CIMAP2: variants seen among roughly 807,000 people sequenced by gnomAD.
CIMAP2 encodes the protein ciliary microtubule associated protein 2.
At chr1:54,817,310 T>G in the CIMAP2 span, among the ~76,000 whole-genome samples, 4 of 152,112 alleles carry the variant, frequency 2.6e-5, no homozygotes, top group African/African-American at 9.7e-5. Context: ...ACTGTAAGTG[T>G]GAGGTGGGGC....
the CIMAP2 span, among the ~76,000 whole-genome samples, chr1:54,808,880 T>C: frequency 1.7e-5 from 1 of 60,278 alleles, no homozygotes; most frequent in Non-Finnish European, 3.9e-5. Flanking sequence ...TACTCTGTTA[T>C]CCTCCCAGCC....
the CIMAP2 span, among the ~76,000 whole-genome samples, chr1:54,809,529 A>G: frequency 6.6e-6 from 1 of 152,238 alleles, no homozygotes. Flanking sequence ...AGCAGGCACT[A>G]TCATTATGTC....
chr1:54,808,758 G>A, the CIMAP2 span, among the ~76,000 whole-genome samples: 1 of 152,036 alleles, frequency 6.6e-6, no homozygotes, highest in Non-Finnish European at 1.5e-5. Context: ...CTCATCAGGA[G>A]GACACTGAGT....
At chr1:54,818,899 T>C in the CIMAP2 span, among the ~76,000 whole-genome samples, 4 of 152,208 alleles carry the variant, frequency 2.6e-5, no homozygotes, top group Non-Finnish European at 4.4e-5. Context: ...GGCTGCAGTA[T>C]GTTCTTTTAT....
the CIMAP2 span, among the ~76,000 whole-genome samples, chr1:54,831,494 A>G: frequency 2.0e-5 from 3 of 152,128 alleles, no homozygotes; most frequent in Non-Finnish European, 4.4e-5. Context: ...CTCTACTAAA[A>G]ATGCAAAAAT....
the CIMAP2 span, among the ~76,000 whole-genome samples, chr1:54,823,169 T>G: frequency 4.6e-5 from 7 of 152,336 alleles, no homozygotes; most frequent in South Asian, 1.4e-3. Context: ...AAGTGGGGTC[T>G]TGTCTACAAC....
chr1:54,812,868 TAAG>T, the CIMAP2 span, among the ~76,000 whole-genome samples: 1 of 152,242 alleles, frequency 6.6e-6, no homozygotes, highest in East Asian at 1.9e-4. Flanking sequence ...CATCAATGAA[TAAG>T]AAAAAAATTA....
the CIMAP2 span, chr1:54,841,707 C>T: frequency 9.4e-6 from 15 of 1,592,440 alleles, no homozygotes; most frequent in Non-Finnish European, 1.0e-5. Context: ...CAACAGGTAC[C>T]TGTTCATTCC....
At chr1:54,811,772 T>TACCCCC in the CIMAP2 span, 5 of 454,854 alleles carry the variant, frequency 1.1e-5, no homozygotes, top group Non-Finnish European at 1.3e-5. Context: ...ACAGCCTCCA[T>TACCCCC]GCCCCCACCC....
the CIMAP2 span, among the ~76,000 whole-genome samples, chr1:54,823,742 G>A: frequency 6.6e-6 from 1 of 152,062 alleles, no homozygotes; most frequent in Non-Finnish European, 1.5e-5. Flanking sequence ...GCCCTACCAG[G>A]GAGCTTAATA....
the CIMAP2 span, among the ~76,000 whole-genome samples, chr1:54,833,796 C>T: frequency 0.2 from 30,278 of 152,080 alleles, 3,943 homozygotes; most frequent in African/African-American, 0.36. Context: ...GACCCACTCC[C>T]TTTGTCTTCC....
the CIMAP2 span, chr1:54,841,587 AGT>A: frequency 6.2e-7 from 1 of 1,614,072 alleles, no homozygotes; most frequent in Non-Finnish European, 8.5e-7. Flanking sequence ...AGCTGAACTG[AGT>A]GTGAATTGCT....
chr1:54,823,529 A>G, the CIMAP2 span, among the ~76,000 whole-genome samples: 8 of 152,200 alleles, frequency 5.3e-5, no homozygotes, highest in Admixed American at 5.2e-4. Context: ...CAGCCAGTCT[A>G]TATCTTTTAA....
chr1:54,812,029 C>T, the CIMAP2 span: 1 of 1,614,172 alleles, frequency 6.2e-7, no homozygotes, highest in Non-Finnish European at 8.5e-7. Flanking sequence ...GGCCTCATCA[C>T]CTCTGCTGTG....
the CIMAP2 span, chr1:54,811,803 C>G: frequency 7.4e-7 from 1 of 1,353,308 alleles, no homozygotes. Context: ...GAACTACTAT[C>G]CAGGCCCTGG....
chr1:54,817,136 G>A, the CIMAP2 span: 20 of 1,613,986 alleles, frequency 1.2e-5, no homozygotes, highest in Non-Finnish European at 1.6e-5. Flanking sequence ...AGTGCAGCTG[G>A]AGCTGCAGGC....
At chr1:54,810,088 T>C in the CIMAP2 span, among the ~76,000 whole-genome samples, 1 of 152,146 alleles carries the variant, frequency 6.6e-6, no homozygotes, top group Non-Finnish European at 1.5e-5. Context: ...CCTGAGAAAG[T>C]GCCCAGCGCT....
At chr1:54,811,764 A>AGCCGGCGGGGGGCCGGCCCG in the CIMAP2 span, 1 of 1,097,916 alleles carries the variant, frequency 9.1e-7, no homozygotes, top group Non-Finnish European at 1.3e-6. Context: ...TGGTTCTGAC[A>AGCCGGCGGGGGGCCGGCCCG]GCCTCCATGC....
the CIMAP2 span, chr1:54,841,976 AG>A: frequency 8.3e-7 from 1 of 1,204,276 alleles, no homozygotes; most frequent in Non-Finnish European, 1.2e-6. Flanking sequence ...TCTTAGAGAA[AG>A]GACACATGGG....
Sources: gnomAD v4.1 joint callset for allele counts (sites outside exome capture counted in the v4.1 genomes callset) on GRCh38, gnomAD v4.1.1 for gene constraint, MANE v1.5 for transcripts, NCBI Gene and HGNC (gene_info 2026-07-23, HGNC 2026-07-21) for gene names.